TMEM71: variants seen among roughly 807,000 people sequenced by gnomAD.
TMEM71 encodes the protein transmembrane protein 71.
In TMEM71, 44 loss-of-function variants were observed where a neutral mutation model predicts 38.0. That is an observed-to-expected ratio of 1.16 (90% CI 0.91 to 1.49). The LOEUF (loss-of-function observed/expected upper bound fraction) is 1.49. Ranked by LOEUF, TMEM71 falls within the 40% of genes most tolerant of loss-of-function variation. The pLI is 0.00. For missense variants in TMEM71, 367 were observed against 348.6 expected (o/e 1.05, Z -0.42); for synonymous variants, 133 against 122.5 (o/e 1.09, Z -0.56).
intron 4 of TMEM71, among the ~76,000 whole-genome samples, chr8:132,750,754 A>G (rs1184343747): frequency 2.0e-5 from 3 of 152,184 alleles, no homozygotes; most frequent in Non-Finnish European, 2.9e-5. Context: ...GAACTCATCC[A>G]TCTTCTTTCC....
chr8:132,721,703 C>T (rs765215472), intron 7 of TMEM71, among the ~76,000 whole-genome samples: 21 of 151,812 alleles, frequency 1.4e-4, no homozygotes, highest in Admixed American at 9.2e-4. Context: ...TGAGCCACCA[C>T]GCCTGGCTAA....
At chr8:132,762,855 A>G (rs183964296), upstream of TMEM71, among the ~76,000 whole-genome samples, 4 of 152,348 alleles carry the variant, frequency 2.6e-5, no homozygotes, top group East Asian at 7.7e-4. Context: ...TACATATGTA[A>G]TCTTGTTTCA....
the TMEM71 span, among the ~76,000 whole-genome samples, chr8:132,771,815 T>C: frequency 5.1e-3 from 771 of 152,286 alleles, 7 homozygotes; most frequent in African/African-American, 0.017. Flanking sequence ...ATGACATCTC[T>C]GCCAATTCAT....
At chr8:132,748,381 A>C (rs1316756430) in intron 4 of TMEM71, among the ~76,000 whole-genome samples, 1 of 152,234 alleles carries the variant, frequency 6.6e-6, no homozygotes, top group Non-Finnish European at 1.5e-5. Flanking sequence ...CTCCTGGCAG[A>C]TGGTGAGAAG....
intron 5 of TMEM71, among the ~76,000 whole-genome samples, chr8:132,730,060 G>A (rs1256330725): frequency 6.6e-6 from 1 of 152,048 alleles, no homozygotes; most frequent in African/African-American, 2.4e-5. Context: ...CTGGGTTCAG[G>A]CGATTCTCCT....
intron 5 of TMEM71, among the ~76,000 whole-genome samples, chr8:132,745,845 A>G (rs1387853341): frequency 6.6e-6 from 1 of 151,962 alleles, no homozygotes; most frequent in Non-Finnish European, 1.5e-5. Flanking sequence ...CATTAAAAAT[A>G]ATGAAATCAT....
chr8:132,768,571 A>T, the TMEM71 span, among the ~76,000 whole-genome samples: 1 of 149,848 alleles, frequency 6.7e-6, no homozygotes, highest in Non-Finnish European at 1.5e-5. Flanking sequence ...ACATAGTTAT[A>T]AAAAAAAAAT....
chr8:132,725,093 C>A (rs1233894111), intron 6 of TMEM71, among the ~76,000 whole-genome samples: 5 of 150,166 alleles, frequency 3.3e-5, no homozygotes, highest in African/African-American at 7.4e-5. Context: ...GGCTGCAGTG[C>A]AGTGCATGAT....
chr8:132,715,497 G>A (rs1826477925), intron 7 of TMEM71, among the ~76,000 whole-genome samples: 1 of 145,012 alleles, frequency 6.9e-6, no homozygotes, highest in Non-Finnish European at 1.5e-5. Flanking sequence ...GTTAAACATA[G>A]ACTTACCATA....
chr8:132,734,828 TTC>T (rs1827657941), intron 5 of TMEM71, among the ~76,000 whole-genome samples: 5 of 152,222 alleles, frequency 3.3e-5, no homozygotes, highest in Admixed American at 2.6e-4. Context: ...ATCTATTTCA[TTC>T]TGTTTAACTT....
At chr8:132,757,157 A>G (rs1282015434) in intron 3 of TMEM71, 77 bp downstream of exon 3, 6 of 1,051,888 alleles carry the variant, frequency 5.7e-6, no homozygotes, top group Non-Finnish European at 8.6e-6. Flanking sequence ...CGGCCTCCCA[A>G]AGTGCTGGGA....
At chr8:132,734,255 T>C (rs562338384) in intron 5 of TMEM71, among the ~76,000 whole-genome samples, 19 of 152,176 alleles carry the variant, frequency 1.2e-4, no homozygotes, top group South Asian at 4.2e-4. Flanking sequence ...ATTGTGGTGA[T>C]GGAATTCACA....
intron 5 of TMEM71, among the ~76,000 whole-genome samples, chr8:132,736,944 A>G (rs1827783025): frequency 1.3e-5 from 2 of 152,244 alleles, no homozygotes; most frequent in Non-Finnish European, 2.9e-5. Context: ...TCCCCATTTC[A>G]CAGTGTGTAC....
chr8:132,720,123 G>C (rs897284335), intron 7 of TMEM71, among the ~76,000 whole-genome samples: 2 of 152,122 alleles, frequency 1.3e-5, no homozygotes, highest in African/African-American at 4.8e-5. Context: ...TCGTATCAAG[G>C]GGACATGCAA....
chr8:132,744,576 A>C (rs548634483), intron 5 of TMEM71, among the ~76,000 whole-genome samples: 10 of 152,362 alleles, frequency 6.6e-5, no homozygotes, highest in Admixed American at 6.5e-4. Flanking sequence ...ATGGATTGGA[A>C]GAATCAATAT....
intron 5 of TMEM71, among the ~76,000 whole-genome samples, chr8:132,739,059 T>C (rs1563750988): frequency 6.6e-6 from 1 of 151,460 alleles, no homozygotes; most frequent in Non-Finnish European, 1.5e-5. Flanking sequence ...TACTGAAAAT[T>C]AAAAAAAAAT....
chr8:132,757,249 G>C lies in TMEM71; in HGVS notation c.86C>G (p.Thr29Arg), dbSNP rs1014921753. 2.5e-6 allele frequency: 4 copies of C among 1,610,338 alleles called. No homozygotes were observed. The highest frequency in any genetic ancestry group is 3.4e-6 in the Non-Finnish European group (4 of 1,177,524). The change falls in exon 3 of 10, where the codon ACG becomes AGG. Residue 29 changes from threonine (T) to arginine (R), a missense_variant. Coordinates refer to ENST00000677595, the MANE Select transcript of TMEM71 (RefSeq NM_001382403.1). ...CATAGTATACCTTGGGAAAATGCAC[G>C]TGGGAGACAGCTCTCCAGCATATTC... Reference protein sequence around the residue: ...EREYAGELSPTCIFPSFTCDS... With the variant: ...EREYAGELSPRCIFPSFTCDS...
At chr8:132,732,181 AAAGGC>A (rs1016956015) in intron 5 of TMEM71, among the ~76,000 whole-genome samples, 10 of 152,160 alleles carry the variant, frequency 6.6e-5, no homozygotes, top group Non-Finnish European at 1.2e-4. Flanking sequence ...TTGCTACAAC[AAAGGC>A]TGGAACAAGT....
chr8:132,741,775 G>A (rs1049157500), intron 5 of TMEM71, among the ~76,000 whole-genome samples: 3 of 152,176 alleles, frequency 2.0e-5, no homozygotes, highest in Non-Finnish European at 2.9e-5. Context: ...GCATCACAGG[G>A]AGAAGGTTAG....
Sources: gnomAD v4.1 joint callset for allele counts (sites outside exome capture counted in the v4.1 genomes callset) on GRCh38, gnomAD v4.1.1 for gene constraint, MANE v1.5 for transcripts, NCBI Gene and HGNC (gene_info 2026-07-23, HGNC 2026-07-21) for gene names.